Variants in COL12A1 observed in about 807,000 individuals in gnomAD.
COL12A1 encodes the protein collagen type XII alpha 1 chain, also known as collagen alpha-1(XII) chain.
COL12A1 carries 114 observed loss-of-function variants against 349.7 expected under a neutral mutation model. That is an observed-to-expected ratio of 0.33 (90% CI 0.28 to 0.38). The LOEUF (loss-of-function observed/expected upper bound fraction) is 0.38, where lower values mean the gene tolerates loss of function less well. COL12A1 is among the 10% of genes least tolerant of loss of function. The pLI, the probability that COL12A1 is intolerant of heterozygous loss-of-function variation, is 1.00. For missense variants in COL12A1, 3,284 were observed against 3,756.9 expected, an observed-to-expected ratio of 0.87 and a Z score of 3.29; for synonymous variants, 1,369 against 1,329.0, an observed-to-expected ratio of 1.03 and a Z score of -0.66.
Position 75,152,137 on chromosome 6 carries a change from G to C in COL12A1, c.3829C>G (p.Leu1277Val). 1.2e-6 allele frequency: 2 copies of C among 1,613,848 alleles called. No individual in the cohort carries two copies. The highest frequency in any genetic ancestry group is 1.7e-4 in the Middle Eastern group (1 of 6,058). Reference sequence around the variant, plus strand: ...TCAGACAGTCCTTACTCACCTGTGAGAGTATTGCCTCCTTTGTACGGCAAG... The same window carrying C: ...TCAGACAGTCCTTACTCACCTGTGACAGTATTGCCTCCTTTGTACGGCAAG... ...ANLPYKGGNT[L>V]TGMALNFIRQ... Residue 1277 changes from leucine to valine, a missense_variant, in exon 19 of 66, where the codon CTC becomes GTC. This residue lies in a region of COL12A1 where 2,601 missense variants were observed against 2,824.8 expected (regional missense o/e 0.92). Transcript: ENST00000322507.
intron 11 of COL12A1, among the ~76,000 whole-genome samples, chr6:75,179,103 A>G (rs1769128197): frequency 6.6e-6 from 1 of 152,226 alleles, no homozygotes; most frequent in African/African-American, 2.4e-5. Context: ...AACATTTAGC[A>G]GAGCCCCTGA....
At chr6:75,130,821 G>A (rs1237371476) in intron 36 of COL12A1, 31 bp downstream of exon 36, 1 of 1,613,358 alleles carries the variant, frequency 6.2e-7, no homozygotes, top group African/African-American at 1.3e-5. Flanking sequence ...AGCTACAAGG[G>A]AATGGAATGG....
chr6:75,143,439 T>G (rs769507035), intron 25 of COL12A1, 51 bp from the exon 26 acceptor site: 1 of 1,581,492 alleles, frequency 6.3e-7, no homozygotes, highest in Non-Finnish European at 8.5e-7. Context: ...ACCACAAAGC[T>G]CCAAAGCATC....
chr6:75,180,870 C>G (rs1294989086), intron 11 of COL12A1, 69 bp downstream of exon 11: 1 of 1,535,400 alleles, frequency 6.5e-7, no homozygotes, highest in Non-Finnish European at 8.8e-7. Flanking sequence ...ATGGTTATTA[C>G]AAACTGTAAC....
At chr6:75,096,027 A>G (rs895230949) in intron 59 of COL12A1, among the ~76,000 whole-genome samples, 1 of 152,160 alleles carries the variant, frequency 6.6e-6, no homozygotes, top group African/African-American at 2.4e-5. Flanking sequence ...CATTTTCCAC[A>G]CTTTCATTCC....
At chr6:75,095,636 A>C (rs1767982321) in intron 59 of COL12A1, among the ~76,000 whole-genome samples, 2 of 148,582 alleles carry the variant, frequency 1.3e-5, no homozygotes, top group Non-Finnish European at 3.0e-5. Flanking sequence ...AAAAAAAAAA[A>C]AAAAAAAAAA....
intron 26 of COL12A1, 53 bp downstream of exon 26, chr6:75,143,199 T>A: frequency 6.2e-7 from 1 of 1,602,360 alleles, no homozygotes; most frequent in Non-Finnish European, 8.5e-7. Flanking sequence ...GTTCTTTTTT[T>A]AAACCTACTA....
At chr6:75,109,412 C>T (rs1768722812) in intron 51 of COL12A1, among the ~76,000 whole-genome samples, 1 of 152,074 alleles carries the variant, frequency 6.6e-6, no homozygotes, top group South Asian at 2.1e-4. Context: ...TGCATAATTT[C>T]TTATTTTCCC....
intron 14 of COL12A1, among the ~76,000 whole-genome samples, chr6:75,156,771 A>G (rs1375537479): frequency 6.6e-6 from 1 of 152,156 alleles, no homozygotes. Flanking sequence ...GAGATTTCCT[A>G]TTTGCCTTCT....
chr6:75,102,681 A>G lies in COL12A1; in HGVS notation c.8331T>C (p.Gly2777=). 1 of 1,553,304 alleles carries G rather than the reference A, an allele frequency of 6.4e-7. No homozygotes were observed. The highest frequency in any genetic ancestry group is 2.4e-5 in the East Asian group (1 of 41,636). ...RGISGAIGPP[G]PRGDIGPPGP... Reference sequence around the variant, plus strand: ...CTGGAGGACCTATGTCTCCACGAGGACCAGGGGGCCCCTAAAATACACAAG... The same window carrying G: ...CTGGAGGACCTATGTCTCCACGAGGGCCAGGGGGCCCCTAAAATACACAAG... The change falls in exon 56 of 66, where the codon GGT becomes GGC. Residue 2777 remains glycine (G), a synonymous_variant. Transcript: ENST00000322507.
At chr6:75,098,855 C>T (rs969848998) in intron 58 of COL12A1, among the ~76,000 whole-genome samples, 28 of 152,164 alleles carry the variant, frequency 1.8e-4, no homozygotes, top group African/African-American at 6.3e-4. Context: ...CTGGCTCGTG[C>T]GCCCACATTT....
Position 75,119,426 on chromosome 6 carries a change from C to T in COL12A1, c.7134G>A (p.Leu2378=), listed in dbSNP as rs1479641628. 2 of 1,613,888 alleles carry T rather than the reference C, an allele frequency of 1.2e-6. No individual in the cohort carries two copies. The highest frequency in any genetic ancestry group is 1.7e-6 in the Non-Finnish European group (2 of 1,179,874). Residue 2378 remains leucine (L), a synonymous_variant, in exon 45 of 66, where the codon CTG becomes CTA. Transcript: ENST00000322507. ...YSDEVKSEFK[L]NTYNDKALAL... ...CTAGGGCCTTGTCATTGTACGTGTTCAGCTTGAACTCAGACTTGACCTCAT... is the reference window on the plus strand; with the variant it reads ...CTAGGGCCTTGTCATTGTACGTGTTTAGCTTGAACTCAGACTTGACCTCAT...
At position 75,143,395 on chromosome 6, in the gene COL12A1, A is replaced by G. The variant is rs1408056685; in HGVS notation, c.4691-7T>C. On this transcript the variant is annotated splice_polypyrimidine_tract_variant and splice_region_variant and intron_variant, in intron 25 of 65. Coordinates refer to ENST00000322507, the MANE Select transcript of COL12A1 (RefSeq NM_004370.6). ...TGAGGTCTGGGTAAAGGCACTAGAGAAGCACGAGATATTAAATCCAGATGT... is the reference window on the plus strand; with the variant it reads ...TGAGGTCTGGGTAAAGGCACTAGAGGAGCACGAGATATTAAATCCAGATGT... The G allele has an allele frequency of 1.2e-6, 2 of 1,611,900 alleles. No individual in the cohort carries two copies. The highest frequency in any genetic ancestry group is 2.7e-5 in the African/African-American group (2 of 74,800).
chr6:75,201,850 G>T (rs1004608817), intron 2 of COL12A1, among the ~76,000 whole-genome samples: 2 of 151,974 alleles, frequency 1.3e-5, no homozygotes, highest in African/African-American at 4.8e-5. Flanking sequence ...CCATTTTCTA[G>T]AGGAGGGGCC....
In COL12A1 at chr6:75,191,718, C is replaced by G. The variant is rs1197378137; in HGVS notation, c.377G>C (p.Gly126Ala). The G allele has an allele frequency of 6.3e-7, 1 of 1,595,438 alleles. No individual in the cohort carries two copies. The highest frequency in any genetic ancestry group is 8.5e-7 in the Non-Finnish European group (1 of 1,170,998). ...SSTKPVEKKPGKTEIQKCSVS... is the reference protein window; with the variant it reads ...SSTKPVEKKPAKTEIQKCSVS... ...ACACTCACTTTGTATCTCGGTTTTT[C>G]CAGGTTTCTTCTCCACTGGCTTTGT... is the stretch of plus-strand genomic sequence containing the variant. Residue 126 changes from glycine to alanine, a missense_variant, in exon 5 of 66, where the codon GGA becomes GCA. This residue lies in a region of COL12A1 where 2,601 missense variants were observed against 2,824.8 expected (regional missense o/e 0.92). Coordinates refer to ENST00000322507, the MANE Select transcript of COL12A1 (RefSeq NM_004370.6).
intron 47 of COL12A1, 68 bp downstream of exon 47, chr6:75,117,314 G>A (rs1036788261): frequency 2.3e-5 from 35 of 1,506,794 alleles, no homozygotes; most frequent in South Asian, 1.8e-4. Flanking sequence ...AAAGGATATA[G>A]AATTGTCTAC....
intron 51 of COL12A1, 80 bp from the exon 52 acceptor site, chr6:75,109,247 T>C: frequency 9.9e-7 from 1 of 1,010,966 alleles, no homozygotes; most frequent in South Asian, 1.9e-5. Context: ...GATCAGATTT[T>C]TTTGAAGTTT....
intron 52 of COL12A1, 50 bp from the exon 53 acceptor site, chr6:75,106,546 T>G: frequency 2.0e-6 from 3 of 1,529,392 alleles, no homozygotes; most frequent in Non-Finnish European, 2.7e-6. Flanking sequence ...AAAAACATTT[T>G]ATATTGGCAC....
At chr6:75,086,904 T>A (rs1340240156) in intron 65 of COL12A1, among the ~76,000 whole-genome samples, 1 of 152,122 alleles carries the variant, frequency 6.6e-6, no homozygotes, top group African/African-American at 2.4e-5. Flanking sequence ...GCAGTATAAT[T>A]TTTTAAATTT....
Sources: gnomAD v4.1 joint callset for allele counts (sites outside exome capture counted in the v4.1 genomes callset) on GRCh38, gnomAD v4.1.1 for gene constraint, gnomAD v4.1.1 regional missense constraint, MANE v1.5 for transcripts, NCBI Gene and HGNC (gene_info 2026-07-23, HGNC 2026-07-21) for gene names.